PHTF1: variants seen among roughly 807,000 people sequenced by gnomAD.
The protein encoded by PHTF1 is protein PHTF1.
PHTF1 carries 88 observed loss-of-function variants against 102.4 expected under a neutral mutation model. That is an observed-to-expected ratio of 0.86 (90% CI 0.72 to 1.03). The LOEUF is 1.03. Among genes scored for constraint, PHTF1 ranks in the 50% least tolerant of loss-of-function variants. The pLI, the probability that PHTF1 is intolerant of heterozygous loss-of-function variation, is 0.00. For synonymous variants in PHTF1, 289 were observed against 305.2 expected (o/e 0.95, Z 0.55); for missense variants, 814 against 909.5 (o/e 0.89, Z 1.35).
At chr1:113,726,902 A>C (rs1653932201) in intron 5 of PHTF1, among the ~76,000 whole-genome samples, 1 of 152,188 alleles carries the variant, frequency 6.6e-6, no homozygotes, top group African/African-American at 2.4e-5. Flanking sequence ...AAGGAAGAGT[A>C]TTTTCCAAGG....
Position 113,759,222 on chromosome 1 carries a change from G to C in PHTF1, c.-230C>G, listed in dbSNP as rs977035450. On this transcript the variant is annotated 5_prime_UTR_variant, in exon 1 of 19. Coordinates refer to ENST00000369604, the MANE Select transcript of PHTF1 (RefSeq NM_001323043.2). Reference sequence around the variant, plus strand: ...GGCAGCCGGCCGCCCAGCGCCCTGAGGGCGGCAAATCGATCGCCGGTCAGA... The same window carrying C: ...GGCAGCCGGCCGCCCAGCGCCCTGACGGCGGCAAATCGATCGCCGGTCAGA... 28 of 352,612 alleles carry C rather than the reference G, an allele frequency of 7.9e-5. No homozygotes were observed. Among genetic ancestry groups the C allele is most frequent in the Non-Finnish European group, 9.2e-5 (23 of 251,032 alleles). 21.8% of individuals were successfully genotyped at this position (352,612 alleles called of 1,614,324 possible).
At chr1:113,745,193 GAGA>G (rs1168315128) in intron 3 of PHTF1, among the ~76,000 whole-genome samples, 1 of 152,158 alleles carries the variant, frequency 6.6e-6, no homozygotes, top group African/African-American at 2.4e-5. Context: ...CTTGTGAGAT[GAGA>G]AGAAGCCATA....
At chr1:113,751,146 A>G (rs1261679101) in intron 3 of PHTF1, among the ~76,000 whole-genome samples, 1 of 152,178 alleles carries the variant, frequency 6.6e-6, no homozygotes, top group Non-Finnish European at 1.5e-5. Flanking sequence ...TTTAATTGTG[A>G]ATATGTATAC....
intron 3 of PHTF1, among the ~76,000 whole-genome samples, chr1:113,755,175 TTC>T (rs1658667781): frequency 2.0e-5 from 3 of 152,064 alleles, no homozygotes; most frequent in South Asian, 4.1e-4. Flanking sequence ...TGCTTATTTG[TTC>T]TTTTATTTTT....
intron 15 of PHTF1, 50 bp downstream of exon 15, chr1:113,704,031 C>A: frequency 8.5e-7 from 1 of 1,178,312 alleles, no homozygotes; most frequent in Non-Finnish European, 1.3e-6. Flanking sequence ...AGAAAGTGAA[C>A]TCTATAATAG....
intron 3 of PHTF1, among the ~76,000 whole-genome samples, chr1:113,748,791 C>T (rs1657591856): frequency 6.6e-6 from 1 of 152,196 alleles, no homozygotes. Flanking sequence ...CTCGGCCTCC[C>T]AAAGTGCTGA....
At chr1:113,697,923 G>A (rs1648967577) in intron 18 of PHTF1, among the ~76,000 whole-genome samples, 198 bp from the exon 19 acceptor site, 1 of 152,178 alleles carries the variant, frequency 6.6e-6, no homozygotes, top group Non-Finnish European at 1.5e-5. Flanking sequence ...TGCAGTTCAT[G>A]TACTGGTTTT....
intron 5 of PHTF1, among the ~76,000 whole-genome samples, chr1:113,734,927 T>G (rs992814830): frequency 3.3e-5 from 5 of 152,226 alleles, no homozygotes; most frequent in African/African-American, 1.2e-4. Context: ...ACCTTGATCC[T>G]GGACTTCACA....
intron 3 of PHTF1, among the ~76,000 whole-genome samples, chr1:113,750,232 C>T (rs529701366): frequency 2.3e-4 from 35 of 152,200 alleles, no homozygotes; most frequent in Non-Finnish European, 4.1e-4. Flanking sequence ...GCAAAAACCT[C>T]GGCTTCCCAG....
intron 3 of PHTF1, among the ~76,000 whole-genome samples, chr1:113,753,512 C>T (rs535967661): frequency 6.6e-6 from 1 of 152,118 alleles, no homozygotes; most frequent in African/African-American, 2.4e-5. Context: ...ACTGCAACCT[C>T]TGCCTCCCAC....
chr1:113,751,178 T>C (rs1483754701), intron 3 of PHTF1, among the ~76,000 whole-genome samples: 1 of 152,198 alleles, frequency 6.6e-6, no homozygotes, highest in Non-Finnish European at 1.5e-5. Context: ...TGGTGTACTA[T>C]ATTATGATTT....
At chr1:113,738,641 G>A (rs1655884636) in intron 4 of PHTF1, 89 bp downstream of exon 4, 2 of 797,020 alleles carry the variant, frequency 2.5e-6, no homozygotes, top group Admixed American at 2.4e-5. Context: ...AGAAATTAAA[G>A]TATACCATCA....
Position 113,697,501 on chromosome 1 carries a change from A to G in PHTF1, c.*204T>C. Reference sequence around the variant, plus strand: ...TGACTATTCATGTTGTTTGAAAAGCATGAAAATACAGGTTTTTAGCATGCA... The same window carrying G: ...TGACTATTCATGTTGTTTGAAAAGCGTGAAAATACAGGTTTTTAGCATGCA... On this transcript the variant is annotated 3_prime_UTR_variant, in exon 19 of 19. Coordinates refer to ENST00000369604, the MANE Select transcript of PHTF1 (RefSeq NM_001323043.2). 1 of 512,426 alleles carries G rather than the reference A, an allele frequency of 2.0e-6. No homozygotes were observed. The highest frequency in any genetic ancestry group is 2.4e-5 in the South Asian group (1 of 41,260). The allele number at this position is 512,426 out of a possible 1,614,324, so 31.7% of individuals were successfully genotyped here. A position where few individuals can be genotyped will look rare whatever the true frequency, so the allele number is the denominator to read the frequency against.
chr1:113,730,885 T>C (rs1347791086), intron 5 of PHTF1, among the ~76,000 whole-genome samples: 1 of 152,204 alleles, frequency 6.6e-6, no homozygotes, highest in Non-Finnish European at 1.5e-5. Flanking sequence ...ACCTTGACGA[T>C]GTTATGCTAA....
chr1:113,708,678 G>T lies in PHTF1; in HGVS notation c.1269+1576C>A, dbSNP rs1238054370. ...AATGACTTCAAGCTTTTTGACTTGG[G>T]TGGGTAGTGTGGTATTAAGAAATAC... On this transcript the variant is annotated intron_variant, in intron 11 of 18. Coordinates refer to ENST00000369604, the MANE Select transcript of PHTF1 (RefSeq NM_001323043.2). Among the ~76,000 whole-genome samples, 3 of 152,028 alleles carry T rather than the reference G, an allele frequency of 2.0e-5. No individual in the cohort carries two copies. In the East Asian group the frequency reaches 5.8e-4, roughly 29 times the overall value.
intron 6 of PHTF1, 99 bp from the exon 7 acceptor site, chr1:113,724,992 T>A: frequency 1.3e-6 from 1 of 788,080 alleles, no homozygotes. Flanking sequence ...ATTACTACCT[T>A]AAATCAAGTA....
At chr1:113,706,469 T>A (rs946331881) in intron 12 of PHTF1, 125 bp downstream of exon 12, 2 of 576,528 alleles carry the variant, frequency 3.5e-6, no homozygotes, top group Admixed American at 7.1e-5. Flanking sequence ...TTATTATATA[T>A]AATATGATAT....
chr1:113,705,819 A>G, intron 13 of PHTF1, 71 bp downstream of exon 13: 1 of 1,184,922 alleles, frequency 8.4e-7, no homozygotes, highest in African/African-American at 1.5e-5. Context: ...CCAAATCAAG[A>G]GAACAAAAGC....
At position 113,758,706 on chromosome 1, in the gene PHTF1, G is replaced by T. The variant is rs746866943; in HGVS notation, c.-3C>A. 1 of 1,610,844 alleles carries T rather than the reference G, an allele frequency of 6.2e-7. No individual in the cohort carries two copies. The highest frequency in any genetic ancestry group is 1.7e-5 in the Admixed American group (1 of 59,774). ...GCATCTCTCTCATTTGAGGCCATCT[G>T]TGTCTCCAGCCAGAGAATGGGATTT... On this transcript the variant is annotated 5_prime_UTR_variant, in exon 2 of 19. Coordinates refer to ENST00000369604, the MANE Select transcript of PHTF1 (RefSeq NM_001323043.2).
Sources: gnomAD v4.1 joint callset for allele counts (sites outside exome capture counted in the v4.1 genomes callset) on GRCh38, gnomAD v4.1.1 for gene constraint, MANE v1.5 for transcripts, NCBI Gene and HGNC (gene_info 2026-07-23, HGNC 2026-07-21) for gene names.